Variants in MRPL35 observed in about 807,000 individuals in gnomAD.
MRPL35 encodes large ribosomal subunit protein bL35m.
MRPL35 carries 18 observed loss-of-function variants against 21.6 expected under a neutral mutation model. The observed-to-expected ratio is 0.83, with a 90% CI of 0.58 to 1.24. MRPL35 has a LOEUF of 1.24. Ranked by LOEUF, MRPL35 falls within the 50% of genes most tolerant of loss-of-function variation. The pLI, the probability that MRPL35 is intolerant of heterozygous loss-of-function variation, is 0.00. For missense variants in MRPL35, 223 were observed against 223.2 expected, an observed-to-expected ratio of 1.00 and a Z score of 0.01; for synonymous variants, 87 against 86.9, an observed-to-expected ratio of 1.00 and a Z score of -0.01.
chr2:86,207,450 C>G (rs1673825307), intron 3 of MRPL35, 123 bp downstream of exon 3: 1 of 1,010,566 alleles, frequency 9.9e-7, no homozygotes, highest in Admixed American at 3.0e-5. Flanking sequence ...ACCAGCTTGG[C>G]CAACATGGTG....
In MRPL35 at chr2:86,213,464, T is replaced by C. The variant is rs1290295883; in HGVS notation, c.*2796T>C. ...CAAACATAGAATACAGGACTAAAAATGCAAAGAAATTGGGTCTGTGTTTAA... is the reference window on the plus strand; with the variant it reads ...CAAACATAGAATACAGGACTAAAAACGCAAAGAAATTGGGTCTGTGTTTAA... On this transcript the variant is annotated 3_prime_UTR_variant, in exon 4 of 4. Coordinates refer to ENST00000337109, the MANE Select transcript of MRPL35 (RefSeq NM_016622.4). The C allele has an allele frequency of 3.0e-6, 4 of 1,332,504 alleles. No individual in the cohort carries two copies. Among genetic ancestry groups the C allele is most frequent in the Non-Finnish European group, 3.9e-6 (4 of 1,034,964 alleles). 82.5% of individuals were successfully genotyped at this position (1,332,504 alleles called of 1,614,324 possible).
rs990143409 is a variant in MRPL35, at chr2:86,212,112, A to G, written c.*1444A>G. ...CATTATTAAATAGAATTATGCATGA[A>G]TTACTGTTTCAGATCCTTTAATGTG... On this transcript the variant is annotated 3_prime_UTR_variant, in exon 4 of 4. Coordinates refer to ENST00000337109, the MANE Select transcript of MRPL35 (RefSeq NM_016622.4). 9 of 1,193,636 alleles carry G rather than the reference A, an allele frequency of 7.5e-6. No homozygotes were observed. In the African/African-American group the frequency reaches 1.4e-4, roughly 19 times the overall value. The allele number at this position is 1,193,636 out of a possible 1,614,324, so 73.9% of individuals were successfully genotyped here. A position where few individuals can be genotyped will look rare whatever the true frequency, so the allele number is the denominator to read the frequency against.
chr2:86,203,375 G>A (rs886566022), intron 1 of MRPL35, among the ~76,000 whole-genome samples: 4 of 152,062 alleles, frequency 2.6e-5, no homozygotes, highest in Non-Finnish European at 2.9e-5. Context: ...GTGAGCCACC[G>A]CACCCGGCCC....
At chr2:86,203,666 C>T (rs1468799123) in intron 1 of MRPL35, among the ~76,000 whole-genome samples, 1 of 152,130 alleles carries the variant, frequency 6.6e-6, no homozygotes. Flanking sequence ...TTATTATCTG[C>T]CATTAGCATT....
At chr2:86,200,601 C>T (rs753358912) in intron 1 of MRPL35, among the ~76,000 whole-genome samples, 2 of 152,108 alleles carry the variant, frequency 1.3e-5, no homozygotes, top group Non-Finnish European at 2.9e-5. Context: ...ACAGTATATA[C>T]GCTTTAGTAT....
Position 86,212,275 on chromosome 2 carries a change from A to G in MRPL35, c.*1607A>G. The G allele has an allele frequency of 1.4e-6, 2 of 1,463,042 alleles. No individual in the cohort carries two copies. Among genetic ancestry groups the G allele is most frequent in the African/African-American group, 1.4e-5 (1 of 70,330 alleles). The allele number at this position is 1,463,042 out of a possible 1,614,324, so 90.6% of individuals were successfully genotyped here. On this transcript the variant is annotated 3_prime_UTR_variant, in exon 4 of 4. Transcript: ENST00000337109. ...GTTTATTAAAAGGAGAAAGGATAAC[A>G]ATAGAATGTTCTAAAACCAGAAGTC...
Position 86,213,688 on chromosome 2 carries a change from T to G in MRPL35, c.*3020T>G, listed in dbSNP as rs1673962087. 6.5e-7 allele frequency: 1 copy of G among 1,548,808 alleles called. No individual in the cohort carries two copies. The highest frequency in any genetic ancestry group is 2.0e-5 in the Admixed American group (1 of 50,948). On this transcript the variant is annotated 3_prime_UTR_variant, in exon 4 of 4. Transcript: ENST00000337109. ...GAAGAAAAATGATGGACCAAACGTC[T>G]GTTTGCACAATTGAAACTCTACCAG...
chr2:86,202,103 G>A (rs1220730527), intron 1 of MRPL35, among the ~76,000 whole-genome samples: 2 of 152,214 alleles, frequency 1.3e-5, no homozygotes, highest in Non-Finnish European at 2.9e-5. Context: ...TGTTAACAAA[G>A]CTAGACTGTT....
chr2:86,209,345 T>C (rs1468296051), intron 3 of MRPL35, among the ~76,000 whole-genome samples: 1 of 152,210 alleles, frequency 6.6e-6, no homozygotes, highest in East Asian at 1.9e-4. Context: ...TCAGTTGGTA[T>C]TGTGCCATAA....
At chr2:86,199,679 G>T in intron 1 of MRPL35, 146 bp downstream of exon 1, 2 of 1,042,722 alleles carry the variant, frequency 1.9e-6, no homozygotes, top group Middle Eastern at 3.1e-4. Flanking sequence ...CTCTGGGGCG[G>T]TGTGACCGGC....
chr2:86,211,466 G>A lies in MRPL35; in HGVS notation c.*798G>A, dbSNP rs117827858. ...ATGCAGCAAAAAAACAGTTATGTGA[G>A]CAGTTTCACTTGGAGGTTCACATGG... On this transcript the variant is annotated 3_prime_UTR_variant, in exon 4 of 4. Transcript: ENST00000337109. The A allele has an allele frequency of 1.4e-4, 137 of 985,422 alleles. 2 individuals carry two copies. In the East Asian group the frequency reaches 0.013, roughly 93 times the overall value. 61.0% of individuals were successfully genotyped at this position (985,422 alleles called of 1,614,324 possible).
chr2:86,202,797 T>G (rs777852991), intron 1 of MRPL35, among the ~76,000 whole-genome samples: 7 of 152,052 alleles, frequency 4.6e-5, no homozygotes, highest in Non-Finnish European at 7.4e-5. Flanking sequence ...GTTCAAGCAG[T>G]TCTCCTACCT....
rs202007348 is a variant in MRPL35, at chr2:86,207,343, G to C, written c.378+16G>C. Reference sequence around the variant, plus strand: ...GAGGAGAAAGGTGAGTCTTCACACTGTTACTAAATTGAAAAAGGAATGTGA... The same window carrying C: ...GAGGAGAAAGGTGAGTCTTCACACTCTTACTAAATTGAAAAAGGAATGTGA... On this transcript the variant is annotated intron_variant, in intron 3 of 3. Transcript: ENST00000337109. 9.1e-5 allele frequency: 145 copies of C among 1,600,048 alleles called. No individual in the cohort carries two copies. The highest frequency in any genetic ancestry group is 1.2e-4 in the Non-Finnish European group (136 of 1,173,908).
At position 86,213,173 on chromosome 2, in the gene MRPL35, A is replaced by G. The variant is rs1244977884; in HGVS notation, c.*2505A>G. The stretch of plus-strand genomic sequence containing the variant: ...CTAACATATGAAAATTCATATCTAA[A>G]TCAACAAGTGACTGTAATCTGGTAC... On this transcript the variant is annotated 3_prime_UTR_variant, in exon 4 of 4. Transcript: ENST00000337109. The G allele has an allele frequency of 1.0e-6, 1 of 987,618 alleles. No individual in the cohort carries two copies. The highest frequency in any genetic ancestry group is 1.7e-5 in the African/African-American group (1 of 57,368). The allele number at this position is 987,618 out of a possible 1,614,324, so 61.2% of individuals were successfully genotyped here. A position where few individuals can be genotyped will look rare whatever the true frequency, so the allele number is the denominator to read the frequency against.
intron 1 of MRPL35, among the ~76,000 whole-genome samples, chr2:86,205,781 AGAGTAT>A (rs1196492582): frequency 4.6e-5 from 7 of 152,340 alleles, no homozygotes; most frequent in African/African-American, 1.7e-4. Flanking sequence ...CTGTCTCACC[AGAGTAT>A]AAGATCTGGG....
chr2:86,211,918 T>C lies in MRPL35; in HGVS notation c.*1250T>C, dbSNP rs1673908606. 2 of 985,570 alleles carry C rather than the reference T, an allele frequency of 2.0e-6. No individual in the cohort carries two copies. Among genetic ancestry groups the C allele is most frequent in the Admixed American group, 6.1e-5 (1 of 16,276 alleles). The allele number at this position is 985,570 out of a possible 1,614,324, so 61.1% of individuals were successfully genotyped here. On this transcript the variant is annotated 3_prime_UTR_variant, in exon 4 of 4. Coordinates refer to ENST00000337109, the MANE Select transcript of MRPL35 (RefSeq NM_016622.4). ...GTAGAAACTAAGGGGGAGAAAGTAA[T>C]CTCAGTTGTTTTAGAAACGAAAAAG... is the stretch of plus-strand genomic sequence containing the variant.
At chr2:86,208,996 C>T (rs1324227610) in intron 3 of MRPL35, among the ~76,000 whole-genome samples, 24 of 152,176 alleles carry the variant, frequency 1.6e-4, no homozygotes, top group Admixed American at 1.6e-3. Flanking sequence ...CAAGCATTTT[C>T]ATAGTGGTTC....
At position 86,204,747 on chromosome 2, in the gene MRPL35, C is replaced by G. The variant is rs116296788; in HGVS notation, c.44-1359C>G. On this transcript the variant is annotated intron_variant, in intron 1 of 3. Transcript: ENST00000337109. ...CGTCTCTGATAGTCAGGCGAACAGT[C>G]TCAGCCTCTGAGGCAGGTCTGGTCC... 7.6e-3 allele frequency among the ~76,000 whole-genome samples: 1,152 copies of G among 152,296 alleles called. 20 individuals are homozygous for G. The highest frequency in any genetic ancestry group is 0.026 in the African/African-American group (1,087 of 41,562).
chr2:86,206,108 A>C lies in MRPL35; in HGVS notation c.46A>C (p.Ile16Leu). ...TATATATGCTCCTATCTTTACAGGA[A>C]TCCTACGGCCCCTGAATATTTTGGC... ...FAGAVRAASG[I>L]LRPLNILASS... is the part of the protein sequence containing the mutation. Residue 16 changes from isoleucine to leucine, a missense_variant and splice_region_variant, in exon 2 of 4, where the codon ATC (isoleucine) becomes CTC (leucine). Coordinates refer to ENST00000337109, the MANE Select transcript of MRPL35 (RefSeq NM_016622.4). 1 of 1,606,216 alleles carries C rather than the reference A, an allele frequency of 6.2e-7. No homozygotes were observed. The highest frequency in any genetic ancestry group is 8.5e-7 in the Non-Finnish European group (1 of 1,173,894).
Sources: gnomAD v4.1 joint callset for allele counts (sites outside exome capture counted in the v4.1 genomes callset) on GRCh38, gnomAD v4.1.1 for gene constraint, MANE v1.5 for transcripts, NCBI Gene and HGNC (gene_info 2026-07-23, HGNC 2026-07-21) for gene names.